Variants in DST observed in about 807,000 individuals in gnomAD.
DST encodes the protein bullous pemphigoid antigen.
A neutral mutation model predicts 875.2 loss-of-function variants in DST; 253 were observed. That is an observed-to-expected ratio of 0.29 (90% CI 0.26 to 0.32). The LOEUF is 0.32. DST is among the 10% of genes least tolerant of loss of function. The pLI is 1.00. For missense variants in DST, 8,287 were observed against 9,111.6 expected (o/e 0.91, Z 3.68); for synonymous variants, 3,124 against 3,197.1 (o/e 0.98, Z 0.77).
chr6:56,521,501 A>T (rs1337132128), intron 69 of DST, among the ~76,000 whole-genome samples: 1 of 148,962 alleles, frequency 6.7e-6, no homozygotes, highest in Non-Finnish European at 1.5e-5. Context: ...AAAACTTTCC[A>T]GCAATAAACA....
intron 63 of DST, 35 bp from the exon 64 acceptor site, chr6:56,532,545 G>T (rs1010335436): frequency 1.3e-6 from 2 of 1,523,382 alleles, no homozygotes; most frequent in African/African-American, 2.8e-5. Flanking sequence ...AAAAGCAAGG[G>T]AATAATTGTA....
intron 87 of DST, among the ~76,000 whole-genome samples, chr6:56,486,470 A>C (rs2095573089): frequency 1.3e-5 from 2 of 152,098 alleles, no homozygotes; most frequent in African/African-American, 4.8e-5. Context: ...TGATACTGAC[A>C]AAAATCATTA....
At chr6:56,712,496 G>A (rs1016212436) in intron 5 of DST, among the ~76,000 whole-genome samples, 2 of 152,134 alleles carry the variant, frequency 1.3e-5, no homozygotes, top group Non-Finnish European at 2.9e-5. Context: ...AAGTGAAAAT[G>A]TGTGGTTGTA....
At chr6:56,514,205 C>T (rs2096543586) in intron 72 of DST, among the ~76,000 whole-genome samples, 2 of 152,280 alleles carry the variant, frequency 1.3e-5, no homozygotes, top group South Asian at 4.2e-4. Context: ...ATTCAAATCA[C>T]CTCAGCATAG....
chr6:56,614,418 T>C lies in DST; in HGVS notation c.4996A>G (p.Asn1666Asp), dbSNP rs925328758. ...GCATCTTTCAATGTCTTGCTGATAT[T>C]TGATACCCATTTTTGCAATTCTTTG... is the stretch of plus-strand genomic sequence containing the variant. ...KAKELQKWVSNISKTLKDAEK... is the reference protein window; with the variant it reads ...KAKELQKWVSDISKTLKDAEK... Residue 1666 changes from asparagine (N) to aspartate (D), a missense_variant, in exon 37 of 104, where the codon AAT becomes GAT. Asn to Asp is a conservative substitution (Grantham distance 23, BLOSUM62 1). Around this residue, in one of 10 missense-constraint regions of DST, gnomAD observed 3,138 missense variants for 3,116.6 expected, o/e 1.01. Coordinates refer to ENST00000680361, the MANE Select transcript of DST (RefSeq NM_001374736.1). 1.3e-5 allele frequency: 21 copies of C among 1,611,464 alleles called. No homozygotes were observed. Among genetic ancestry groups the C allele is most frequent in the African/African-American group, 1.1e-4 (8 of 74,860 alleles).
chr6:56,730,331 C>T (rs144592631), intron 5 of DST, among the ~76,000 whole-genome samples: 93 of 152,246 alleles, frequency 6.1e-4, no homozygotes, highest in African/African-American at 2.1e-3. Flanking sequence ...TGTTAACATA[C>T]TTCAGAAAAT....
intron 10 of DST, among the ~76,000 whole-genome samples, chr6:56,658,192 C>T (rs963728924): frequency 6.6e-6 from 1 of 152,128 alleles, no homozygotes; most frequent in Non-Finnish European, 1.5e-5. Context: ...CCCAGCCTCC[C>T]GAGTAGCTAG....
rs191968295 is a variant in DST at position 56,720,151 on chromosome 6, A to G, written c.687+15077T>C. Among the ~76,000 whole-genome samples, 821 of 152,284 alleles carry G rather than the reference A, an allele frequency of 5.4e-3. 6 individuals carry two copies. The highest frequency in any genetic ancestry group is 0.019 in the African/African-American group (778 of 41,546). ...CGACCATAGAAGACGGCCACACCCA[A>G]GGGAGCCATTTTAGAGACCCACCCT... is the stretch of plus-strand genomic sequence containing the variant. On this transcript the variant is annotated intron_variant, in intron 5 of 103. Transcript: ENST00000680361.
intron 61 of DST, among the ~76,000 whole-genome samples, chr6:56,545,042 T>C (rs936447879): frequency 3.9e-5 from 6 of 152,160 alleles, no homozygotes; most frequent in African/African-American, 1.4e-4. Context: ...AGACAGGGTC[T>C]TGCTCTGTCA....
At chr6:56,742,790 C>G (rs2099551876) in intron 4 of DST, among the ~76,000 whole-genome samples, 1 of 152,160 alleles carries the variant, frequency 6.6e-6, no homozygotes, top group Non-Finnish European at 1.5e-5. Context: ...GATATGTGTG[C>G]TAGTAACATG....
chr6:56,494,220 G>A (rs1342058614), intron 82 of DST, 40 bp from the exon 83 acceptor site: 4 of 1,538,772 alleles, frequency 2.6e-6, no homozygotes, highest in Non-Finnish European at 8.8e-7. Context: ...CTTTAAGAAA[G>A]TAAAATTTAA....
chr6:56,538,141 C>T (rs1194387733), intron 61 of DST, among the ~76,000 whole-genome samples: 1 of 152,084 alleles, frequency 6.6e-6, no homozygotes, highest in Non-Finnish European at 1.5e-5. Context: ...TGTCACCACG[C>T]CCAGCTAATT....
Position 56,529,966 on chromosome 6 carries a change from T to C in DST, c.17268+8A>G, listed in dbSNP as rs767779078. On this transcript the variant is annotated splice_region_variant and intron_variant, in intron 65 of 103. Transcript: ENST00000680361. ...CTGAACCTCGCTAATGTGTGATTTA[T>C]ATCTTACTTTGTGCTGTGCAATTTG... 9.3e-6 allele frequency: 15 copies of C among 1,612,634 alleles called. No individual in the cohort carries two copies. The highest frequency in any genetic ancestry group is 4.0e-5 in the African/African-American group (3 of 74,880).
intron 36 of DST, chr6:56,619,601 T>A (rs147498980): frequency 3.1e-6 from 5 of 1,613,920 alleles, no homozygotes; most frequent in Non-Finnish European, 4.2e-6. Flanking sequence ...CCCTTTTTCA[T>A]GATTAAGAGA....
At chr6:56,480,961 T>C (rs2095381861) in intron 90 of DST, among the ~76,000 whole-genome samples, 1 of 152,256 alleles carries the variant, frequency 6.6e-6, no homozygotes, top group African/African-American at 2.4e-5. Context: ...AATATTGAAC[T>C]GACTCAAAAA....
chr6:56,794,817 T>C (rs1030717530), intron 4 of DST, among the ~76,000 whole-genome samples: 1 of 152,094 alleles, frequency 6.6e-6, no homozygotes, highest in Non-Finnish European at 1.5e-5. Flanking sequence ...CCAAATCAGC[T>C]TCCAAAAGTG....
At chr6:56,588,559 T>A (rs1003865176) in intron 49 of DST, among the ~76,000 whole-genome samples, 2 of 152,194 alleles carry the variant, frequency 1.3e-5, no homozygotes, top group African/African-American at 2.4e-5. Flanking sequence ...GGCTTTCTAT[T>A]ACTAGTGCCT....
intron 4 of DST, among the ~76,000 whole-genome samples, chr6:56,743,930 G>C (rs962886212): frequency 1.3e-5 from 2 of 152,112 alleles, no homozygotes; most frequent in African/African-American, 4.8e-5. Flanking sequence ...GAGGCAGGTG[G>C]ATCACCTGAG....
At chr6:56,745,017 A>C (rs1189032827) in intron 4 of DST, among the ~76,000 whole-genome samples, 1 of 152,174 alleles carries the variant, frequency 6.6e-6, no homozygotes, top group Non-Finnish European at 1.5e-5. Flanking sequence ...CTGTGGAAGG[A>C]CAGACTTAGA....
Sources: gnomAD v4.1 joint callset for allele counts (sites outside exome capture counted in the v4.1 genomes callset) on GRCh38, gnomAD v4.1.1 for gene constraint, gnomAD v4.1.1 regional missense constraint, MANE v1.5 for transcripts, NCBI Gene and HGNC (gene_info 2026-07-23, HGNC 2026-07-21) for gene names.